The following SPATA7 variants were observed in gnomAD, a reference collection of about 807,000 sequenced individuals.
SPATA7 encodes the protein spermatogenesis-associated protein 7.
In SPATA7, 43 loss-of-function variants were observed where a neutral mutation model predicts 51.8. That is an observed-to-expected ratio of 0.83 (90% confidence interval 0.65 to 1.07). The LOEUF (loss-of-function observed/expected upper bound fraction) is 1.07. Ranked by LOEUF, SPATA7 falls within the 50% of genes least tolerant of loss-of-function variation. The pLI is 0.00. For missense variants in SPATA7, 683 were observed against 701.3 expected (o/e 0.97, Z 0.30); for synonymous variants, 230 against 252.8 (o/e 0.91, Z 0.86).
intron 5 of SPATA7, among the ~76,000 whole-genome samples, chr14:88,421,190 T>C (rs1386098296): frequency 6.6e-6 from 1 of 152,144 alleles, no homozygotes; most frequent in Admixed American, 6.6e-5. Context: ...TGTCTCCTTT[T>C]TGAGTTTGTT....
intron 10 of SPATA7, among the ~76,000 whole-genome samples, chr14:88,433,609 A>C (rs2076996317): frequency 6.6e-6 from 1 of 152,170 alleles, no homozygotes; most frequent in African/African-American, 2.4e-5. Context: ...GTAAAATGAG[A>C]ACAAATTAAG....
chr14:88,399,643 T>G (rs1271332455), intron 4 of SPATA7, among the ~76,000 whole-genome samples: 3 of 152,232 alleles, frequency 2.0e-5, no homozygotes, highest in African/African-American at 7.2e-5. Flanking sequence ...ACTGGTTCAG[T>G]GTTTACATGC....
rs187464038 is a variant in SPATA7, at chr14:88,394,072, A to T, written c.190+584A>T. 1.7e-3 allele frequency among the ~76,000 whole-genome samples: 264 copies of T among 151,968 alleles called. 1 individual carries two copies. Among genetic ancestry groups the T allele is most frequent in the African/African-American group, 5.9e-3 (245 of 41,356 alleles). On this transcript the variant is annotated intron_variant, in intron 3 of 11. Transcript: ENST00000393545. ...ATTTTTAAATGGTAGCAAAAAATTT[A>T]AAAAAAAGTATTTTGTGACCTGAAA...
chr14:88,444,166 G>A (rs1402155199), intron 3 of SPATA7, among the ~76,000 whole-genome samples: 1 of 151,824 alleles, frequency 6.6e-6, no homozygotes, highest in Non-Finnish European at 1.5e-5. Context: ...ACTTTTTAAT[G>A]ATCGCCATTC....
At chr14:88,425,635 C>T (rs544498552) in intron 5 of SPATA7, among the ~76,000 whole-genome samples, 1 of 151,998 alleles carries the variant, frequency 6.6e-6, no homozygotes, top group East Asian at 1.9e-4. Context: ...AGTCAAAATG[C>T]CTCCCTTTTC....
intron 1 of SPATA7, among the ~76,000 whole-genome samples, chr14:88,388,871 G>A (rs545468510): frequency 4.5e-4 from 68 of 152,328 alleles, no homozygotes; most frequent in African/African-American, 1.6e-3. Context: ...TAGAGAAGGC[G>A]TGATTGTGCA....
intron 3 of SPATA7, among the ~76,000 whole-genome samples, chr14:88,448,770 T>TG (rs1360227081): frequency 6.6e-6 from 1 of 152,038 alleles, no homozygotes; most frequent in Non-Finnish European, 1.5e-5. Flanking sequence ...TGCCCCTGCT[T>TG]GGGGGTGCCT....
chr14:88,401,679 A>G (rs1264623763), intron 4 of SPATA7, among the ~76,000 whole-genome samples: 2 of 151,984 alleles, frequency 1.3e-5, no homozygotes, highest in South Asian at 4.2e-4. Context: ...AAAATAAAAA[A>G]ACTAAAAATT....
In SPATA7 at chr14:88,391,285, G is replaced by T. The variant is rs1211006711; in HGVS notation, c.20-96G>T. 2.8e-6 allele frequency: 3 copies of T among 1,054,408 alleles called. No individual in the cohort carries two copies. In the African/African-American group the frequency reaches 4.8e-5, roughly 17 times the overall value. 65.3% of individuals were successfully genotyped at this position (1,054,408 alleles called of 1,614,324 possible). On this transcript the variant is annotated intron_variant, in intron 1 of 11. Transcript: ENST00000393545. ...CCTTTTAGGAAAGAAATTATTTTGT[G>T]ATAAATTTATTATTTAAAAAATATT...
chr14:88,385,863 C>A, intron 1 of SPATA7, 26 bp downstream of exon 1: 1 of 1,591,662 alleles, frequency 6.3e-7, no homozygotes, highest in East Asian at 2.3e-5. Context: ...CAGGGGCTAC[C>A]GCCGCCTCGC....
intron 3 of SPATA7, among the ~76,000 whole-genome samples, chr14:88,447,388 G>T (rs2077221253): frequency 1.3e-5 from 2 of 151,000 alleles, no homozygotes; most frequent in South Asian, 4.2e-4. Context: ...CTCTGCACGT[G>T]AGATGGGTTT....
chr14:88,396,755 C>T (rs894528258), intron 4 of SPATA7, among the ~76,000 whole-genome samples: 1 of 152,114 alleles, frequency 6.6e-6, no homozygotes, highest in Non-Finnish European at 1.5e-5. Flanking sequence ...ACAAATACCT[C>T]TTCAAGACCC....
intron 4 of SPATA7, among the ~76,000 whole-genome samples, chr14:88,402,959 C>CAAAAAAAAAAAAA (rs56330042): frequency 1.8e-4 from 11 of 62,004 alleles, no homozygotes; most frequent in Non-Finnish European, 2.8e-4. Context: ...AACTCAATAG[C>CAAAAAAAAAAAAA]AAAAAAAAAA....
chr14:88,450,684 A>G (rs1473699173), intron 3 of SPATA7, among the ~76,000 whole-genome samples: 1 of 152,168 alleles, frequency 6.6e-6, no homozygotes, highest in Non-Finnish European at 1.5e-5. Flanking sequence ...CTGATAGGTT[A>G]TCTTTTATAG....
At chr14:88,413,956 C>T (rs1365149717) in intron 4 of SPATA7, among the ~76,000 whole-genome samples, 1 of 151,908 alleles carries the variant, frequency 6.6e-6, no homozygotes, top group Non-Finnish European at 1.5e-5. Flanking sequence ...CAGTTTGCTA[C>T]TATTTGTTGA....
chr14:88,461,564 A>T (rs2140062285), intron 4 of SPATA7, among the ~76,000 whole-genome samples: 1 of 152,258 alleles, frequency 6.6e-6, no homozygotes, highest in East Asian at 1.9e-4. Context: ...GGAAAAGCTC[A>T]GTATTTGGGT....
intron 4 of SPATA7, among the ~76,000 whole-genome samples, chr14:88,413,903 T>A (rs1244414981): frequency 6.6e-6 from 1 of 152,170 alleles, no homozygotes; most frequent in East Asian, 1.9e-4. Flanking sequence ...GAATGAAGCC[T>A]ACTTGACTGT....
intron 4 of SPATA7, among the ~76,000 whole-genome samples, chr14:88,403,377 T>C (rs1204681223): frequency 6.6e-6 from 1 of 152,204 alleles, no homozygotes; most frequent in Admixed American, 6.5e-5. Flanking sequence ...CTCCCATGTT[T>C]GTTACAGCAT....
At chr14:88,408,942 A>G (rs1417991043) in intron 4 of SPATA7, among the ~76,000 whole-genome samples, 3 of 152,208 alleles carry the variant, frequency 2.0e-5, no homozygotes, top group Admixed American at 6.5e-5. Flanking sequence ...GCAGCCTTGC[A>G]TCCCAGGGAT....
Sources: allele counts gnomAD v4.1 joint callset (sites outside exome capture counted in the v4.1 genomes callset), GRCh38; gene constraint gnomAD v4.1.1; transcripts MANE v1.5; gene names NCBI Gene and HGNC (gene_info 2026-07-23, HGNC 2026-07-21).